BFSP2: variants seen among roughly 807,000 people sequenced by gnomAD.
BFSP2 encodes beaded filament structural protein 2.
Under a neutral mutation model 44.9 loss-of-function variants are expected in BFSP2, and 38 were observed. The observed-to-expected ratio is 0.85, with a 90% confidence interval of 0.65 to 1.11. The LOEUF (loss-of-function observed/expected upper bound fraction) is 1.11, where lower values mean the gene tolerates loss of function less well. BFSP2 is among the 50% of genes least tolerant of loss of function. The pLI, the probability that BFSP2 is intolerant of heterozygous loss-of-function variation, is 0.00. For missense variants in BFSP2, 525 were observed against 533.0 expected (o/e 0.99, Z 0.15); for synonymous variants, 197 against 209.9 (o/e 0.94, Z 0.53).
At chr3:133,407,177 T>G (rs992296451) in intron 1 of BFSP2, among the ~76,000 whole-genome samples, 1 of 151,494 alleles carries the variant, frequency 6.6e-6, no homozygotes, top group Non-Finnish European at 1.5e-5. Context: ...AGCCCAGGAG[T>G]TCAAGACCAG....
chr3:133,435,372 C>T (rs930359994), intron 1 of BFSP2, among the ~76,000 whole-genome samples: 2 of 152,220 alleles, frequency 1.3e-5, no homozygotes, highest in East Asian at 3.8e-4. Context: ...ATGACCTTTG[C>T]TCTTGACCTG....
At chr3:133,432,444 C>T (rs1325195589) in intron 1 of BFSP2, among the ~76,000 whole-genome samples, 1 of 152,162 alleles carries the variant, frequency 6.6e-6, no homozygotes, top group Non-Finnish European at 1.5e-5. Flanking sequence ...ACGCTGACAC[C>T]CATCAGTCCC....
chr3:133,423,701 A>G (rs1324714483), intron 1 of BFSP2, among the ~76,000 whole-genome samples: 2 of 151,930 alleles, frequency 1.3e-5, no homozygotes, highest in Non-Finnish European at 2.9e-5. Flanking sequence ...CCCCTTTGAG[A>G]TAGGGGTGTC....
intron 3 of BFSP2, among the ~76,000 whole-genome samples, chr3:133,449,651 G>A (rs1193686468): frequency 1.3e-5 from 2 of 152,030 alleles, no homozygotes; most frequent in African/African-American, 4.8e-5. Flanking sequence ...GGCCAAGGCA[G>A]GGGATCACTT....
At chr3:133,409,590 G>A (rs957130215) in intron 1 of BFSP2, among the ~76,000 whole-genome samples, 9 of 152,084 alleles carry the variant, frequency 5.9e-5, no homozygotes, top group East Asian at 1.9e-4. Flanking sequence ...ATCCAGGTTC[G>A]AGGATAGGAA....
chr3:133,463,896 G>T (rs2074086823), intron 4 of BFSP2, among the ~76,000 whole-genome samples: 1 of 152,158 alleles, frequency 6.6e-6, no homozygotes, highest in South Asian at 2.1e-4. Flanking sequence ...AGCTACCTCT[G>T]TTACAGTTAC....
intron 4 of BFSP2, among the ~76,000 whole-genome samples, chr3:133,460,306 C>T (rs952175425): frequency 1.3e-5 from 2 of 152,216 alleles, no homozygotes; most frequent in African/African-American, 4.8e-5. Context: ...CAAAATTACA[C>T]ACTTAGAAAG....
chr3:133,424,043 T>C (rs1041156307), intron 1 of BFSP2, among the ~76,000 whole-genome samples: 3 of 151,512 alleles, frequency 2.0e-5, no homozygotes, highest in African/African-American at 7.3e-5. Flanking sequence ...CTTCTGCTTT[T>C]TTTTTTTGCG....
At chr3:133,450,834 G>A (rs1473821745) in intron 4 of BFSP2, among the ~76,000 whole-genome samples, 5 of 152,232 alleles carry the variant, frequency 3.3e-5, no homozygotes, top group Admixed American at 1.3e-4. Flanking sequence ...AATTGAGGCC[G>A]GGCGTGGTAG....
chr3:133,459,652 T>C (rs2074044107), intron 4 of BFSP2, among the ~76,000 whole-genome samples: 1 of 152,158 alleles, frequency 6.6e-6, no homozygotes, highest in African/African-American at 2.4e-5. Context: ...TTCTTTTTAA[T>C]CCCCGCTGAG....
At chr3:133,413,132 T>G (rs1237014640) in intron 1 of BFSP2, among the ~76,000 whole-genome samples, 1 of 152,112 alleles carries the variant, frequency 6.6e-6, no homozygotes, top group Non-Finnish European at 1.5e-5. Flanking sequence ...TACTTTGGGG[T>G]ATATACTCTT....
At chr3:133,467,147 G>A (rs2074118121) in intron 5 of BFSP2, among the ~76,000 whole-genome samples, 188 bp downstream of exon 5, 1 of 152,198 alleles carries the variant, frequency 6.6e-6, no homozygotes, top group African/African-American at 2.4e-5. Flanking sequence ...AATAGACACT[G>A]TAGTGCCCCA....
chr3:133,461,526 T>G (rs2074063931), intron 4 of BFSP2, among the ~76,000 whole-genome samples: 1 of 151,958 alleles, frequency 6.6e-6, no homozygotes, highest in Non-Finnish European at 1.5e-5. Flanking sequence ...CTTCCTATCC[T>G]CAGGGGCTAG....
rs16840395 is a variant in BFSP2, at chr3:133,449,171, G to C, written c.729+526G>C. On this transcript the variant is annotated intron_variant, in intron 3 of 6. Coordinates refer to ENST00000302334, the MANE Select transcript of BFSP2 (RefSeq NM_003571.4). Reference sequence around the variant, plus strand: ...TATTACTGTCTGATCCAAGATTTAGGCTGCTTCAAGTTGAAAGAGTCAAAA... The same window carrying C: ...TATTACTGTCTGATCCAAGATTTAGCCTGCTTCAAGTTGAAAGAGTCAAAA... The C allele has an allele frequency of 9.3e-3, 1,460 of 156,190 alleles. 25 individuals are homozygous for C. Among genetic ancestry groups the C allele is most frequent in the African/African-American group, 0.033 (1,365 of 41,578 alleles). The allele number at this position is 156,190 out of a possible 1,614,324, so 9.7% of individuals were successfully genotyped here.
intron 1 of BFSP2, among the ~76,000 whole-genome samples, chr3:133,435,737 T>A (rs2073774278): frequency 6.6e-6 from 1 of 152,232 alleles, no homozygotes; most frequent in Non-Finnish European, 1.5e-5. Flanking sequence ...AAGATGAATT[T>A]TTCCCTTGCA....
chr3:133,442,071 C>T (rs1226615665), intron 1 of BFSP2, among the ~76,000 whole-genome samples: 1 of 152,214 alleles, frequency 6.6e-6, no homozygotes, highest in Non-Finnish European at 1.5e-5. Context: ...TTGAAGGCCA[C>T]TTCAGAAGAC....
rs1576586401 is a variant in BFSP2 at position 133,448,403 on chromosome 3, A to G, written c.573-86A>G. The G allele has an allele frequency of 6.6e-6, 10 of 1,507,324 alleles. No individual in the cohort carries two copies. The East Asian group carries it at 2.3e-4, about 34-fold the overall frequency. 93.4% of individuals were successfully genotyped at this position (1,507,324 alleles called of 1,614,324 possible). A position where few individuals can be genotyped will look rare whatever the true frequency, so the allele number is the denominator to read the frequency against. The stretch of plus-strand genomic sequence containing the variant: ...TTACCATTCATTGTCTAACTATCAC[A>G]TAATTGGCCTGTTGGTAACATTTAT... On this transcript the variant is annotated intron_variant, in intron 2 of 6. Coordinates refer to ENST00000302334, the MANE Select transcript of BFSP2 (RefSeq NM_003571.4).
At position 133,448,573 on chromosome 3, in the gene BFSP2, T is replaced by A. The variant is rs1406805464; in HGVS notation, c.657T>A (p.Thr219=). ...LYKVIDEANL[T]KMDLESQIES... ...AAGTCATTGATGAGGCTAATTTGAC[T>A]AAAATGGACCTGGAGAGTCAAATAG... Residue 219 remains threonine (T), a synonymous_variant, in exon 3 of 7, where the codon ACT becomes ACA. Coordinates refer to ENST00000302334, the MANE Select transcript of BFSP2 (RefSeq NM_003571.4). The A allele has an allele frequency of 6.2e-7, 1 of 1,614,026 alleles. No individual in the cohort carries two copies. The highest frequency in any genetic ancestry group is 2.2e-5 in the East Asian group (1 of 44,876).
chr3:133,450,232 T>A, intron 3 of BFSP2, 71 bp from the exon 4 acceptor site: 1 of 1,567,418 alleles, frequency 6.4e-7, no homozygotes. Context: ...GAGCTGGTTT[T>A]CTGCTGGCTA....
Sources: allele counts gnomAD v4.1 joint callset (sites outside exome capture counted in the v4.1 genomes callset), GRCh38; gene constraint gnomAD v4.1.1; transcripts MANE v1.5; gene names NCBI Gene and HGNC (gene_info 2026-07-23, HGNC 2026-07-21).